Variants in TUB observed in about 807,000 individuals in gnomAD.
TUB encodes TUB bipartite transcription factor, also known as tubby protein homolog.
In TUB, 33 loss-of-function variants were observed where a neutral mutation model predicts 59.7. The ratio of observed to expected loss-of-function variants is 0.55; its 90% CI spans 0.42 to 0.74. The LOEUF is 0.74. TUB is among the 30% of genes least tolerant of loss of function. The pLI, the probability that TUB is intolerant of heterozygous loss-of-function variation, is 0.00. For missense variants in TUB, 659 were observed against 672.0 expected (o/e 0.98, Z 0.21); for synonymous variants, 293 against 256.4 (o/e 1.14, Z -1.36).
intron 2 of TUB, 101 bp from the exon 3 acceptor site, chr11:8,089,968 C>T (rs565804097): frequency 4.9e-6 from 7 of 1,439,670 alleles, no homozygotes; most frequent in Non-Finnish European, 6.4e-6. Flanking sequence ...GTGCCAAGGA[C>T]ATGGGGCCTT....
chr11:8,079,440 C>T (rs1179735073), upstream of TUB, among the ~76,000 whole-genome samples: 2 of 152,104 alleles, frequency 1.3e-5, no homozygotes, highest in African/African-American at 4.8e-5. Context: ...CCAAGCATCC[C>T]AGCAGGCAAC....
intron 2 of TUB, among the ~76,000 whole-genome samples, chr11:8,056,828 C>T (rs774695873): frequency 7.9e-5 from 12 of 151,972 alleles, no homozygotes; most frequent in Non-Finnish European, 1.6e-4. Context: ...GTCCCCAAAA[C>T]AAGCACATGG....
chr11:8,098,632 C>T lies in TUB; in HGVS notation c.999-126C>T, dbSNP rs143036624. On this transcript the variant is annotated intron_variant, in intron 8 of 11. Transcript: ENST00000299506. ...GATGTGGATTCAGTGAGCAGTATGC[C>T]TCCCTGGGCCTGCTCCTGTTCCAGC... 5.8e-5 allele frequency: 40 copies of T among 690,002 alleles called. No individual in the cohort carries two copies. The African/African-American group carries it at 6.1e-4, about 11-fold the overall frequency. 42.7% of individuals were successfully genotyped at this position (690,002 alleles called of 1,614,324 possible).
intron 2 of TUB, among the ~76,000 whole-genome samples, chr11:8,063,877 C>T (rs1943180940): frequency 6.6e-6 from 1 of 152,128 alleles, no homozygotes; most frequent in African/African-American, 2.4e-5. Context: ...TTATTTATAG[C>T]TGTTTTATTT....
upstream of TUB, among the ~76,000 whole-genome samples, chr11:8,037,482 G>A (rs368598102): frequency 1.1e-3 from 169 of 152,310 alleles, no homozygotes; most frequent in African/African-American, 3.9e-3. Context: ...GGTCTCCAGC[G>A]TCCATTTGGG....
At chr11:8,077,716 C>T (rs1478104089), upstream of TUB, 1 of 152,286 alleles carries the variant, frequency 6.6e-6, no homozygotes, top group Non-Finnish European at 1.5e-5. Context: ...TTTTCTGTGT[C>T]CCCTTGCCCC....
At position 8,101,638 on chromosome 11, in the gene TUB, T is replaced by TGGGGTTGCCCAGCCTGGAGCG. The variant is rs1308142504; in HGVS notation, c.*21_*41dup. ...CGAGTAGAGGCCTCTTCGTGCCCTT[T>TGGGGTTGCCCAGCCTGGAGCG]GGGGTTGCCCAGCCTGGAGCGGAGC... On this transcript the variant is annotated 3_prime_UTR_variant, in exon 12 of 12. Transcript: ENST00000299506. 1.9e-6 allele frequency: 3 copies of TGGGGTTGCCCAGCCTGGAGCG among 1,613,436 alleles called. No homozygotes were observed. Among genetic ancestry groups the TGGGGTTGCCCAGCCTGGAGCG allele is most frequent in the East Asian group, 2.2e-5 (1 of 44,872 alleles).
intron 2 of TUB, among the ~76,000 whole-genome samples, chr11:8,057,896 A>G (rs896105335): frequency 6.6e-6 from 1 of 152,068 alleles, no homozygotes; most frequent in African/African-American, 2.4e-5. Context: ...TGACTTAACC[A>G]CTCAGTCAGT....
At chr11:8,033,839 G>A (rs1357652340), upstream of TUB, among the ~76,000 whole-genome samples, 2 of 152,264 alleles carry the variant, frequency 1.3e-5, no homozygotes, top group African/African-American at 4.8e-5. Flanking sequence ...TGTATCCTGG[G>A]GAGAGGGATT....
intron 2 of TUB, among the ~76,000 whole-genome samples, chr11:8,049,590 G>A (rs77212087): frequency 9.8e-4 from 122 of 124,520 alleles, no homozygotes; most frequent in African/African-American, 3.8e-3. Flanking sequence ...TAGATAGATA[G>A]ATAGATAGAT....
At chr11:8,053,223 G>A (rs927250896) in intron 2 of TUB, among the ~76,000 whole-genome samples, 11 of 152,042 alleles carry the variant, frequency 7.2e-5, no homozygotes, top group South Asian at 4.2e-4. Context: ...TTCCATTTCC[G>A]GAAATGGAAT....
chr11:8,084,959 T>G (rs1209297024), intron 1 of TUB, among the ~76,000 whole-genome samples: 1 of 152,190 alleles, frequency 6.6e-6, no homozygotes, highest in Non-Finnish European at 1.5e-5. Flanking sequence ...GGCTGTGATT[T>G]CTTTCAAGTT....
chr11:8,052,439 T>C (rs922733832), intron 2 of TUB, among the ~76,000 whole-genome samples: 4 of 151,990 alleles, frequency 2.6e-5, no homozygotes, highest in African/African-American at 9.7e-5. Flanking sequence ...ATAGGTTATT[T>C]TTTCTATTGC....
intron 11 of TUB, 35 bp downstream of exon 11, chr11:8,101,032 A>G (rs1318874985): frequency 6.2e-7 from 1 of 1,612,350 alleles, no homozygotes; most frequent in East Asian, 2.2e-5. Context: ...TATGGTCCGT[A>G]GGATACCCAA....
At chr11:8,039,873 T>C (rs115507801) in intron 2 of TUB, among the ~76,000 whole-genome samples, 363 of 152,224 alleles carry the variant, frequency 2.4e-3, no homozygotes, top group African/African-American at 7.8e-3. Flanking sequence ...CCTGCTCTTA[T>C]TGTGTGTGAC....
upstream of TUB, chr11:8,036,128 G>A (rs1942642838): frequency 6.6e-6 from 1 of 151,964 alleles, no homozygotes; most frequent in Admixed American, 6.6e-5. Flanking sequence ...ATTATATCTG[G>A]GACTTGAGAC....
intron 7 of TUB, 133 bp from the exon 8 acceptor site, chr11:8,097,581 C>G: frequency 7.5e-7 from 1 of 1,324,546 alleles, no homozygotes; most frequent in South Asian, 1.3e-5. Flanking sequence ...TTGTGTTTTC[C>G]AGTGCATTTG....
At chr11:8,023,283 A>G (rs994963962) in intron 1 of TUB, among the ~76,000 whole-genome samples, 1 of 152,280 alleles carries the variant, frequency 6.6e-6, no homozygotes, top group East Asian at 1.9e-4. Context: ...GCCAGCCCAC[A>G]TTTCAGGGGT....
At chr11:8,072,182 G>A (rs979457868) in intron 2 of TUB, among the ~76,000 whole-genome samples, 2 of 152,044 alleles carry the variant, frequency 1.3e-5, no homozygotes, top group Non-Finnish European at 2.9e-5. Flanking sequence ...AGGCAGAGGC[G>A]GGTACTGCCC....
Sources: allele counts gnomAD v4.1 joint callset (sites outside exome capture counted in the v4.1 genomes callset), GRCh38; gene constraint gnomAD v4.1.1; transcripts MANE v1.5; gene names NCBI Gene and HGNC (gene_info 2026-07-23, HGNC 2026-07-21).